NYAP2: variants seen among roughly 807,000 people sequenced by gnomAD.
The protein encoded by NYAP2 is neuronal tyrosine-phosphorylated phosphoinositide-3-kinase adaptor 2, also known as neuronal tyrosine-phosphorylated phosphoinositide-3-kinase adapter 2.
Under a neutral mutation model 50.4 loss-of-function variants are expected in NYAP2, and 23 were observed. The observed-to-expected ratio is 0.46, with a 90% CI of 0.33 to 0.65. The LOEUF (loss-of-function observed/expected upper bound fraction) is 0.65. NYAP2 is among the 30% of genes least tolerant of loss of function. The probability of loss-of-function intolerance (pLI) is 0.02; values close to 1 mark genes in which losing one functional copy is unlikely to be tolerated. For missense variants in NYAP2, 885 were observed against 861.0 expected, an observed-to-expected ratio of 1.03 and a Z score of -0.35; for synonymous variants, 394 against 365.2, an observed-to-expected ratio of 1.08 and a Z score of -0.90.
At chr2:225,414,559 G>A (rs995933554) in intron 3 of NYAP2, among the ~76,000 whole-genome samples, 20 of 152,140 alleles carry the variant, frequency 1.3e-4, no homozygotes, top group South Asian at 6.2e-4. Flanking sequence ...AAGGATAGTC[G>A]TGTATTGAAC....
At chr2:225,667,099 A>G in the NYAP2 span, among the ~76,000 whole-genome samples, 2 of 152,162 alleles carry the variant, frequency 1.3e-5, no homozygotes, top group African/African-American at 4.8e-5. Context: ...TAAAAAAATC[A>G]GAGCTTAGTC....
At chr2:225,485,490 G>A (rs1359805298) in intron 3 of NYAP2, among the ~76,000 whole-genome samples, 14 of 152,170 alleles carry the variant, frequency 9.2e-5, no homozygotes, top group Non-Finnish European at 1.3e-4. Flanking sequence ...GAGGGAGGCA[G>A]ACTTAGATGT....
chr2:225,573,247 TTTC>T (rs955598681), intron 4 of NYAP2, among the ~76,000 whole-genome samples: 1 of 134,300 alleles, frequency 7.4e-6, no homozygotes, highest in African/African-American at 3.4e-5. Context: ...AACATTATTA[TTTC>T]TTTTTTTTTT....
intron 3 of NYAP2, among the ~76,000 whole-genome samples, chr2:225,476,152 G>A (rs528405722): frequency 2.6e-5 from 4 of 152,258 alleles, no homozygotes; most frequent in South Asian, 2.1e-4. Context: ...GGTGGCTCAC[G>A]CCTGTAATCC....
chr2:225,583,812 G>A (rs1369692020), intron 5 of NYAP2, among the ~76,000 whole-genome samples: 3 of 152,136 alleles, frequency 2.0e-5, no homozygotes, highest in Non-Finnish European at 4.4e-5. Flanking sequence ...AGGCCGAGGC[G>A]GTCAGATCAC....
At chr2:225,644,609 G>A (rs1310009206) in intron 6 of NYAP2, among the ~76,000 whole-genome samples, 7 of 147,658 alleles carry the variant, frequency 4.7e-5, no homozygotes, top group Non-Finnish European at 1.0e-4. Flanking sequence ...ATCTTGAATT[G>A]ATTTTTGTAT....
intron 3 of NYAP2, among the ~76,000 whole-genome samples, chr2:225,422,858 T>G (rs1033499570): frequency 3.9e-5 from 6 of 152,158 alleles, no homozygotes; most frequent in African/African-American, 1.4e-4. Context: ...CGTGAACGAT[T>G]CTTTTTAATG....
At chr2:225,422,069 A>G (rs191350819) in intron 3 of NYAP2, among the ~76,000 whole-genome samples, 33 of 151,934 alleles carry the variant, frequency 2.2e-4, no homozygotes, top group African/African-American at 7.7e-4. Flanking sequence ...CAATTCCAAT[A>G]TTTCTTTTCT....
chr2:225,664,682 G>T, the NYAP2 span, among the ~76,000 whole-genome samples: 8 of 151,716 alleles, frequency 5.3e-5, no homozygotes, highest in African/African-American at 1.9e-4. Context: ...GGATCATCCT[G>T]GCGAACATGG....
chr2:225,695,748 T>C, the NYAP2 span, among the ~76,000 whole-genome samples: 31 of 152,066 alleles, frequency 2.0e-4, no homozygotes, highest in African/African-American at 7.2e-4. Flanking sequence ...TTTTGAAAAA[T>C]TTCTGAGCCA....
intron 5 of NYAP2, among the ~76,000 whole-genome samples, chr2:225,609,045 C>T (rs2106246192): frequency 6.6e-6 from 1 of 152,188 alleles, no homozygotes; most frequent in East Asian, 1.9e-4. Context: ...TAGATCGCTG[C>T]CTTTACTTCT....
chr2:225,606,306 GT>G (rs1692786376), intron 5 of NYAP2, among the ~76,000 whole-genome samples: 1 of 152,062 alleles, frequency 6.6e-6, no homozygotes, highest in Admixed American at 6.6e-5. Context: ...TCTGCACTTG[GT>G]TTCCAAATTG....
intron 5 of NYAP2, among the ~76,000 whole-genome samples, chr2:225,586,994 C>T (rs985042490): frequency 1.1e-4 from 17 of 152,146 alleles, no homozygotes; most frequent in Admixed American, 3.9e-4. Context: ...GAAGCAAAGA[C>T]CTTTTTCACA....
At chr2:225,441,474 A>G (rs1005666222) in intron 3 of NYAP2, among the ~76,000 whole-genome samples, 11 of 152,214 alleles carry the variant, frequency 7.2e-5, no homozygotes, top group African/African-American at 2.2e-4. Flanking sequence ...TCACACTGCT[A>G]TAAAGATACT....
intron 3 of NYAP2, among the ~76,000 whole-genome samples, chr2:225,458,603 T>A (rs1021770289): frequency 3.9e-5 from 6 of 152,186 alleles, no homozygotes. Flanking sequence ...AAGAAGAACA[T>A]TCTGTTAAAT....
intron 5 of NYAP2, among the ~76,000 whole-genome samples, chr2:225,589,516 A>AATATAT (rs71062993): frequency 0.019 from 1,322 of 71,278 alleles, 81 homozygotes; most frequent in African/African-American, 0.065. Context: ...CTAAAAGTAA[A>AATATAT]ATATATATAT....
chr2:225,502,680 T>G (rs1158516748), intron 3 of NYAP2, among the ~76,000 whole-genome samples: 1 of 152,204 alleles, frequency 6.6e-6, no homozygotes, highest in Non-Finnish European at 1.5e-5. Context: ...TCTGATGAAG[T>G]CTTACTCATG....
intron 4 of NYAP2, among the ~76,000 whole-genome samples, chr2:225,527,461 A>AAGCTT (rs1465025475): frequency 2.6e-5 from 4 of 152,188 alleles, no homozygotes; most frequent in African/African-American, 9.6e-5. Context: ...GTTCTTTCTC[A>AAGCTT]AGCTTACATA....
chr2:225,425,381 A>G (rs886907802), intron 3 of NYAP2, among the ~76,000 whole-genome samples: 50 of 152,198 alleles, frequency 3.3e-4, no homozygotes, highest in African/African-American at 1.2e-3. Context: ...CTCACTAGGA[A>G]TTTATCCAAC....
Sources: allele counts gnomAD v4.1 joint callset (sites outside exome capture counted in the v4.1 genomes callset), GRCh38; gene constraint gnomAD v4.1.1; transcripts MANE v1.5; gene names NCBI Gene and HGNC (gene_info 2026-07-23, HGNC 2026-07-21).